Variants in DNM3 observed in about 807,000 individuals in gnomAD.
DNM3 encodes the protein dynamin-3.
DNM3 carries 47 observed loss-of-function variants against 101.6 expected under a neutral mutation model. The observed-to-expected ratio is 0.46, with a 90% CI of 0.37 to 0.59. The LOEUF (loss-of-function observed/expected upper bound fraction) is 0.59, where lower values mean the gene tolerates loss of function less well. Ranked by LOEUF, DNM3 falls within the 20% of genes least tolerant of loss-of-function variation. DNM3 has a pLI of 0.00. For synonymous variants in DNM3, 385 were observed against 387.9 expected (o/e 0.99, Z 0.09); for missense variants, 849 against 1,085.7 (o/e 0.78, Z 3.06).
chr1:172,348,274 C>T (rs1043126516), intron 17 of DNM3, among the ~76,000 whole-genome samples: 2 of 151,990 alleles, frequency 1.3e-5, no homozygotes, highest in African/African-American at 2.4e-5. Flanking sequence ...TGAAGTCTAA[C>T]AATTCTTAGA....
intron 1 of DNM3, among the ~76,000 whole-genome samples, chr1:171,889,629 A>G (rs1035911020): frequency 5.9e-5 from 9 of 152,246 alleles, no homozygotes; most frequent in Non-Finnish European, 1.3e-4. Context: ...CAGAGAGGCT[A>G]AAACTGAGAA....
intron 14 of DNM3, among the ~76,000 whole-genome samples, chr1:172,246,209 G>A (rs543437510): frequency 6.6e-6 from 1 of 152,248 alleles, no homozygotes; most frequent in African/African-American, 2.4e-5. Context: ...GATGAGATTT[G>A]CATGGGGAGA....
chr1:172,230,221 T>G (rs1279018728), intron 14 of DNM3, among the ~76,000 whole-genome samples: 1 of 152,162 alleles, frequency 6.6e-6, no homozygotes, highest in African/African-American at 2.4e-5. Context: ...AAGCTCTTCA[T>G]TAGGATACAA....
chr1:172,268,813 C>T (rs532152600), intron 15 of DNM3, among the ~76,000 whole-genome samples: 3 of 152,128 alleles, frequency 2.0e-5, no homozygotes, highest in East Asian at 3.9e-4. Flanking sequence ...AGGAGTATGA[C>T]GTCCTACTTG....
intron 2 of DNM3, among the ~76,000 whole-genome samples, chr1:171,965,319 G>A (rs1288311396): frequency 6.6e-6 from 1 of 151,646 alleles, no homozygotes; most frequent in Non-Finnish European, 1.5e-5. Context: ...GAGGTGGGTG[G>A]ATTGCTTGAG....
chr1:171,872,610 C>T (rs906352989), intron 1 of DNM3, among the ~76,000 whole-genome samples: 1 of 152,220 alleles, frequency 6.6e-6, no homozygotes, highest in African/African-American at 2.4e-5. Flanking sequence ...AGAGGATGTC[C>T]CCGCTAGTCT....
intron 13 of DNM3, among the ~76,000 whole-genome samples, chr1:172,121,318 C>T (rs543354503): frequency 2.0e-5 from 3 of 152,316 alleles, no homozygotes; most frequent in African/African-American, 7.2e-5. Context: ...TCTTAGTGAA[C>T]TCTTAGAAAT....
chr1:171,921,810 C>T lies in DNM3; in HGVS notation c.224C>T (p.Thr75Ile), dbSNP rs2040193258. 6.2e-7 allele frequency: 1 copy of T among 1,601,350 alleles called. No individual in the cohort carries two copies. The highest frequency in any genetic ancestry group is 8.5e-7 in the Non-Finnish European group (1 of 1,173,230). ...TRRPLVLQLV[T>I]SKAEYAEFLH... ...CGACCTCTTGTGCTGCAGCTTGTTA[C>T]TTCTAAAGCAGGTAATGAATGAAGA... The change falls in exon 2 of 21, where the codon ACT (threonine) becomes ATT (isoleucine). Residue 75 changes from threonine (T) to isoleucine (I), a missense_variant. Physicochemically the swap from Thr to Ile is moderately conservative, Grantham distance 89. Coordinates refer to ENST00000627582, the MANE Select transcript of DNM3 (RefSeq NM_015569.5).
chr1:172,221,777 T>C (rs561961533), intron 14 of DNM3, among the ~76,000 whole-genome samples: 2 of 152,282 alleles, frequency 1.3e-5, no homozygotes, highest in Non-Finnish European at 2.9e-5. Context: ...TCTCCAATTC[T>C]GGGACTCCCC....
downstream of DNM3, chr1:172,412,795 A>C (rs767828523): frequency 1.1e-5 from 10 of 939,248 alleles, no homozygotes; most frequent in Non-Finnish European, 1.3e-5. Context: ...AAATATTTAT[A>C]GCTCTTTTGA....
At position 171,997,121 on chromosome 1, in the gene DNM3, G is replaced by C. The variant is rs369957051; in HGVS notation, c.589+7973G>C. Among the ~76,000 whole-genome samples the C allele has an allele frequency of 1.1e-4, 17 of 152,032 alleles. No homozygotes were observed. In the South Asian group the frequency reaches 3.5e-3, roughly 32 times the overall value. On this transcript the variant is annotated intron_variant, in intron 4 of 20. Coordinates refer to ENST00000627582, the MANE Select transcript of DNM3 (RefSeq NM_015569.5). ...AAAATAATTAAAGGAAACTTTACCAGGCTTTGTTATTTTATTTGTTGTATA... is the reference window on the plus strand; with the variant it reads ...AAAATAATTAAAGGAAACTTTACCACGCTTTGTTATTTTATTTGTTGTATA...
chr1:172,359,886 C>A (rs187770393), intron 17 of DNM3, among the ~76,000 whole-genome samples: 2 of 152,046 alleles, frequency 1.3e-5, no homozygotes, highest in Non-Finnish European at 2.9e-5. Flanking sequence ...GCCTAACCTG[C>A]GTTCTGCAAG....
At chr1:172,414,203 A>G (rs1223105152), downstream of DNM3, among the ~76,000 whole-genome samples, 1 of 152,226 alleles carries the variant, frequency 6.6e-6, no homozygotes, top group East Asian at 1.9e-4. Flanking sequence ...GCACTTCAAC[A>G]CACACCTGGC....
At chr1:172,241,968 G>A (rs1244080399) in intron 14 of DNM3, among the ~76,000 whole-genome samples, 1 of 152,158 alleles carries the variant, frequency 6.6e-6, no homozygotes, top group Non-Finnish European at 1.5e-5. Flanking sequence ...CCCATCTTCA[G>A]AATCCACTCC....
intron 17 of DNM3, among the ~76,000 whole-genome samples, chr1:172,327,783 A>G (rs942948897): frequency 6.6e-6 from 1 of 152,138 alleles, no homozygotes; most frequent in Non-Finnish European, 1.5e-5. Flanking sequence ...GGACATCATT[A>G]GAGTTAAAAG....
chr1:172,068,136 T>C (rs1201627113), intron 10 of DNM3, among the ~76,000 whole-genome samples: 2 of 152,214 alleles, frequency 1.3e-5, no homozygotes, highest in African/African-American at 4.8e-5. Flanking sequence ...GAGACCAGCC[T>C]GGCCAACATG....
intron 2 of DNM3, among the ~76,000 whole-genome samples, chr1:171,929,477 C>G (rs1181166238): frequency 6.6e-6 from 1 of 152,106 alleles, no homozygotes; most frequent in African/African-American, 2.4e-5. Flanking sequence ...CCAAACAGAG[C>G]ATTGGTGAGG....
At chr1:171,876,112 A>C (rs1446105521) in intron 1 of DNM3, among the ~76,000 whole-genome samples, 1 of 152,044 alleles carries the variant, frequency 6.6e-6, no homozygotes, top group Non-Finnish European at 1.5e-5. Flanking sequence ...CCTGGCCAAA[A>C]AGAGTTATCT....
At chr1:171,949,130 G>A (rs548336708) in intron 2 of DNM3, among the ~76,000 whole-genome samples, 16 of 152,002 alleles carry the variant, frequency 1.1e-4, no homozygotes, top group Admixed American at 4.6e-4. Flanking sequence ...GGAAATTGTC[G>A]ATTATATTTT....
Sources: allele counts gnomAD v4.1 joint callset (sites outside exome capture counted in the v4.1 genomes callset), GRCh38; gene constraint gnomAD v4.1.1; transcripts MANE v1.5; gene names NCBI Gene and HGNC (gene_info 2026-07-23, HGNC 2026-07-21).